Variants in XIRP2 observed in about 807,000 individuals in gnomAD.
XIRP2 encodes xin actin binding repeat containing 2, also known as xin actin-binding repeat-containing protein 2.
XIRP2 carries 236 observed loss-of-function variants against 277.0 expected under a neutral mutation model. That is an observed-to-expected ratio of 0.85 (90% confidence interval 0.77 to 0.95). XIRP2 has a LOEUF of 0.95. Among genes scored for constraint, XIRP2 ranks in the 40% least tolerant of loss-of-function variants. XIRP2 has a pLI of 0.00. For synonymous variants in XIRP2, 1,490 were observed against 1,416.5 expected (o/e 1.05, Z -1.17); for missense variants, 4,640 against 4,157.5 (o/e 1.12, Z -3.19).
chr2:166,919,177 C>G (rs1440612657), intron 2 of XIRP2, among the ~76,000 whole-genome samples: 1 of 152,030 alleles, frequency 6.6e-6, no homozygotes, highest in Non-Finnish European at 1.5e-5. Context: ...GCACATAATA[C>G]TCACTGTATT....
chr2:167,170,165 T>A (rs77798606), intron 3 of XIRP2, among the ~76,000 whole-genome samples: 14,979 of 152,136 alleles, frequency 0.098, 775 homozygotes, highest in South Asian at 0.15. Flanking sequence ...TTTTAAAAAT[T>A]TTTTTAAATG....
intron 3 of XIRP2, among the ~76,000 whole-genome samples, chr2:167,152,252 C>T (rs1692039396): frequency 6.6e-6 from 1 of 152,036 alleles, no homozygotes; most frequent in Admixed American, 6.6e-5. Flanking sequence ...GATGTATCCG[C>T]CCCATACCAA....
At chr2:167,224,297 G>T (rs1694525644) in intron 5 of XIRP2, among the ~76,000 whole-genome samples, 1 of 152,104 alleles carries the variant, frequency 6.6e-6, no homozygotes, top group Admixed American at 6.5e-5. Context: ...GCAGTGGTGT[G>T]ATCTCAGCTC....
chr2:166,921,296 C>A (rs1456337751), intron 2 of XIRP2, among the ~76,000 whole-genome samples: 1 of 152,040 alleles, frequency 6.6e-6, no homozygotes, highest in Non-Finnish European at 1.5e-5. Flanking sequence ...AAACTGTTGT[C>A]CAAAGTCGTT....
chr2:167,056,459 T>C (rs1574211302), intron 2 of XIRP2, among the ~76,000 whole-genome samples: 1 of 152,170 alleles, frequency 6.6e-6, no homozygotes, highest in East Asian at 1.9e-4. Context: ...ATGTAAAGTT[T>C]CCTTCTAAGT....
intron 3 of XIRP2, among the ~76,000 whole-genome samples, chr2:167,147,121 T>A (rs190082050): frequency 3.3e-5 from 5 of 152,306 alleles, no homozygotes; most frequent in African/African-American, 1.2e-4. Flanking sequence ...AGAAATATGC[T>A]TAAGCAGAAA....
At chr2:167,015,418 TTATCTATCTATCTATCTATC>T (rs143244808) in intron 2 of XIRP2, among the ~76,000 whole-genome samples, 8 of 147,148 alleles carry the variant, frequency 5.4e-5, no homozygotes, top group African/African-American at 1.8e-4. Context: ...TATCTGTCTT[TTATCTATCTATCTATCTATC>T]TATCTATCTA....
intron 3 of XIRP2, among the ~76,000 whole-genome samples, chr2:167,203,334 A>G (rs562750132): frequency 6.6e-6 from 1 of 152,370 alleles, no homozygotes; most frequent in East Asian, 1.9e-4. Context: ...TTAGTAAGAA[A>G]GCAGGAACGA....
At chr2:167,162,423 T>A (rs778111963) in intron 3 of XIRP2, among the ~76,000 whole-genome samples, 5 of 152,174 alleles carry the variant, frequency 3.3e-5, no homozygotes, top group Admixed American at 3.3e-4. Flanking sequence ...CTCACAATCA[T>A]GGCAGAAGGT....
intron 2 of XIRP2, among the ~76,000 whole-genome samples, chr2:167,005,038 AAAT>A (rs1440009417): frequency 4.6e-5 from 7 of 151,890 alleles, no homozygotes; most frequent in Non-Finnish European, 8.8e-5. Context: ...TATTGGCAAG[AAAT>A]AATAAATTCA....
At position 167,240,531 on chromosome 2, in the gene XIRP2, A is replaced by G. The variant is rs1366197637; in HGVS notation, c.970-133A>G. The G allele has an allele frequency of 7.3e-6, 5 of 686,182 alleles. No homozygotes were observed. The East Asian group carries it at 1.1e-4, about 15-fold the overall frequency. 42.5% of individuals were successfully genotyped at this position (686,182 alleles called of 1,614,324 possible). On this transcript the variant is annotated intron_variant, in intron 6 of 10. Coordinates refer to ENST00000409195, the MANE Select transcript of XIRP2 (RefSeq NM_152381.6). ...TCTATGTATTAAAATAAATGATAGC[A>G]GCTTAATTAGCATCTCTCAATGTAC...
chr2:167,077,200 G>C (rs1177164791), intron 2 of XIRP2, among the ~76,000 whole-genome samples: 1 of 152,000 alleles, frequency 6.6e-6, no homozygotes, highest in East Asian at 1.9e-4. Flanking sequence ...GGGAGAAAAA[G>C]ATTATTATTC....
chr2:167,250,920 G>A lies in XIRP2; in HGVS notation c.9528G>A (p.Arg3176=). The A allele has an allele frequency of 6.2e-7, 1 of 1,613,078 alleles. No individual in the cohort carries two copies. Among genetic ancestry groups the A allele is most frequent in the South Asian group, 1.1e-5 (1 of 91,062 alleles). The change falls in exon 9 of 11, where the codon AGG becomes AGA. Residue 3176 remains arginine (R), a synonymous_variant. Transcript: ENST00000409195. Reference sequence around the variant, plus strand: ...CAAACACTTCCCCTTCTCCACCCAGGAGTCGCTCTGAACAACTTGTCAGAC... The same window carrying A: ...CAAACACTTCCCCTTCTCCACCCAGAAGTCGCTCTGAACAACTTGTCAGAC... The part of the protein sequence containing the change: ...HRANTSPSPP[R]SRSEQLVRLK...
At position 167,247,271 on chromosome 2, in the gene XIRP2, A is replaced by C. The variant is rs779325207; in HGVS notation, c.5879A>C (p.Gln1960Pro). ...KAVMAGSSGE[Q>P]KTDIHQVAVQ... ...GTGATGGCAGGATCCTCGGGAGAGC[A>C]GAAAACAGATATTCATCAGGTTGCT... is the stretch of plus-strand genomic sequence containing the variant. Residue 1960 changes from glutamine to proline, a missense_variant, in exon 9 of 11, where the codon CAG becomes CCG. Gln to Pro is a moderately conservative substitution (Grantham distance 76). Transcript: ENST00000409195. 2 of 1,613,744 alleles carry C rather than the reference A, an allele frequency of 1.2e-6. No individual in the cohort carries two copies. The highest frequency in any genetic ancestry group is 1.7e-6 in the Non-Finnish European group (2 of 1,179,834).
intron 3 of XIRP2, among the ~76,000 whole-genome samples, chr2:167,158,728 A>G (rs902204841): frequency 6.6e-6 from 1 of 152,232 alleles, no homozygotes; most frequent in African/African-American, 2.4e-5. Context: ...TTTCAAATAC[A>G]TACATATGAC....
chr2:167,213,181 G>A (rs1170684699), intron 4 of XIRP2, among the ~76,000 whole-genome samples: 1 of 152,106 alleles, frequency 6.6e-6, no homozygotes, highest in Non-Finnish European at 1.5e-5. Context: ...CTAAAAGAGA[G>A]GGAGAAGTAA....
intron 5 of XIRP2, among the ~76,000 whole-genome samples, chr2:167,219,825 T>C (rs983543417): frequency 6.6e-6 from 1 of 152,210 alleles, no homozygotes; most frequent in Non-Finnish European, 1.5e-5. Context: ...ATTAGGTTAC[T>C]ATGGAGGTTT....
Position 166,911,378 on chromosome 2 carries a change from T to C in XIRP2, c.408+7488T>C, listed in dbSNP as rs181598827. Among the ~76,000 whole-genome samples, 557 of 152,262 alleles carry C rather than the reference T, an allele frequency of 3.7e-3. 2 individuals are homozygous for C. Among genetic ancestry groups the C allele is most frequent in the African/African-American group, 0.012 (514 of 41,548 alleles). Reference sequence around the variant, plus strand: ...TTTACCATTACGTAATGGCCTTGTCTCTTTTGAGCTTTGTTGGTTTAAAGT... The same window carrying C: ...TTTACCATTACGTAATGGCCTTGTCCCTTTTGAGCTTTGTTGGTTTAAAGT... On this transcript the variant is annotated intron_variant, in intron 2 of 10. Transcript: ENST00000409195.
chr2:167,238,848 G>A (rs1355711041), intron 5 of XIRP2, among the ~76,000 whole-genome samples: 1 of 152,016 alleles, frequency 6.6e-6, no homozygotes. Context: ...AAGATTTTTA[G>A]CAGTATGCTA....
Sources: allele counts gnomAD v4.1 joint callset (sites outside exome capture counted in the v4.1 genomes callset), GRCh38; gene constraint gnomAD v4.1.1; transcripts MANE v1.5; gene names NCBI Gene and HGNC (gene_info 2026-07-23, HGNC 2026-07-21).